CNTLN: variants seen among roughly 807,000 people sequenced by gnomAD.
CNTLN encodes centlein, also known as centlein, centrosomal protein.
CNTLN carries 212 observed loss-of-function variants against 180.0 expected under a neutral mutation model. That is an observed-to-expected ratio of 1.18 (90% CI 1.05 to 1.32). The LOEUF (loss-of-function observed/expected upper bound fraction) is 1.32, where lower values mean the gene tolerates loss of function less well. Among genes scored for constraint, CNTLN ranks in the 40% most tolerant of loss-of-function variants. The pLI, the probability that CNTLN is intolerant of heterozygous loss-of-function variation, is 0.00. For synonymous variants in CNTLN, 722 were observed against 563.1 expected, an observed-to-expected ratio of 1.28 and a Z score of -3.99; for missense variants, 2,095 against 1,610.9, an observed-to-expected ratio of 1.30 and a Z score of -5.14.
intron 18 of CNTLN, among the ~76,000 whole-genome samples, chr9:17,423,102 G>C (rs190433145): frequency 1.3e-5 from 2 of 152,288 alleles, no homozygotes; most frequent in East Asian, 3.9e-4. Flanking sequence ...GGGTTGCCTG[G>C]AGTTGGGAGA....
chr9:17,347,972 T>C (rs1446147141), intron 12 of CNTLN, among the ~76,000 whole-genome samples: 1 of 152,002 alleles, frequency 6.6e-6, no homozygotes, highest in African/African-American at 2.4e-5. Flanking sequence ...GCTGGGGCTA[T>C]AGATGCTAGC....
intron 6 of CNTLN, among the ~76,000 whole-genome samples, chr9:17,278,293 G>T (rs1828444579): frequency 6.6e-6 from 1 of 150,718 alleles, no homozygotes; most frequent in African/African-American, 2.5e-5. Flanking sequence ...CTCTTTTTCA[G>T]AACTTTTCTG....
intron 5 of CNTLN, among the ~76,000 whole-genome samples, chr9:17,261,129 C>T (rs998646409): frequency 1.3e-5 from 2 of 151,322 alleles, no homozygotes; most frequent in East Asian, 3.9e-4. Context: ...TGGCTTTGTT[C>T]ATTTTGCTTA....
chr9:17,356,882 T>G lies in CNTLN; in HGVS notation c.1887-9735T>G, dbSNP rs1243813919. On this transcript the variant is annotated intron_variant, in intron 12 of 25. Coordinates refer to ENST00000380647, the MANE Select transcript of CNTLN (RefSeq NM_017738.4). ...CCTTATTCTTTCCACTTTTTCCCCT[T>G]TCTGTTTCCTGCCCTCCCCATATAC... Among the ~76,000 whole-genome samples, 8 of 152,156 alleles carry G rather than the reference T, an allele frequency of 5.3e-5. No homozygotes were observed. The East Asian group carries it at 1.3e-3, about 26-fold the overall frequency.
At position 17,282,645 on chromosome 9, in the gene CNTLN, C is replaced by T. The variant is rs151174631; in HGVS notation, c.983+8779C>T. On this transcript the variant is annotated intron_variant, in intron 6 of 25. Coordinates refer to ENST00000380647, the MANE Select transcript of CNTLN (RefSeq NM_017738.4). ...TTACAATTGCTTTTGATGTTTTTGT[C>T]ATGAAATCTTTGCCCGGGCCTATAT... Among the ~76,000 whole-genome samples the T allele has an allele frequency of 5.0e-3, 768 of 152,198 alleles. 5 individuals are homozygous for T. Among genetic ancestry groups the T allele is most frequent in the African/African-American group, 0.017 (712 of 41,526 alleles).
intron 25 of CNTLN, among the ~76,000 whole-genome samples, chr9:17,501,197 C>T (rs1369560177): frequency 6.6e-6 from 1 of 152,110 alleles, no homozygotes; most frequent in East Asian, 1.9e-4. Context: ...GTATCTTATA[C>T]TTTCTTTAGT....
chr9:17,353,074 C>A lies in CNTLN; in HGVS notation c.1886+10630C>A, dbSNP rs1396945912. The stretch of plus-strand genomic sequence containing the variant: ...TGTTTCCAGTTCTTTTGGGTATAAA[C>A]CTATGAGTGGAATCACTGGGCCACA... On this transcript the variant is annotated intron_variant, in intron 12 of 25. Transcript: ENST00000380647. 2.0e-5 allele frequency among the ~76,000 whole-genome samples: 3 copies of A among 152,196 alleles called. No individual in the cohort carries two copies. The South Asian group carries it at 6.2e-4, about 32-fold the overall frequency.
At chr9:17,528,035 T>G in the CNTLN span, among the ~76,000 whole-genome samples, 2 of 151,852 alleles carry the variant, frequency 1.3e-5, no homozygotes, top group Non-Finnish European at 2.9e-5. Context: ...CCTGAATATA[T>G]GGAGAAGAAT....
At chr9:17,264,023 G>C (rs1339050008) in intron 5 of CNTLN, among the ~76,000 whole-genome samples, 1 of 145,804 alleles carries the variant, frequency 6.9e-6, no homozygotes, top group Non-Finnish European at 1.5e-5. Flanking sequence ...AGTTTCTTTT[G>C]CTGTGCAGAA....
chr9:17,397,681 C>T (rs7048330), intron 15 of CNTLN, among the ~76,000 whole-genome samples: 1 of 152,318 alleles, frequency 6.6e-6, no homozygotes, highest in South Asian at 2.1e-4. Context: ...GATCTGAGCC[C>T]TATTTTACCC....
At chr9:17,355,135 A>T (rs559546500) in intron 12 of CNTLN, among the ~76,000 whole-genome samples, 1 of 152,310 alleles carries the variant, frequency 6.6e-6, no homozygotes, top group South Asian at 2.1e-4. Flanking sequence ...CCGCAGCTTC[A>T]TTCTTGAAGT....
At chr9:17,516,599 T>C in the CNTLN span, among the ~76,000 whole-genome samples, 2 of 152,144 alleles carry the variant, frequency 1.3e-5, no homozygotes, top group South Asian at 4.1e-4. Context: ...AGATTCTTCT[T>C]GGCCCCCCCT....
chr9:17,321,315 C>G (rs10963031), intron 8 of CNTLN, among the ~76,000 whole-genome samples: 36,587 of 152,000 alleles, frequency 0.24, 4,593 homozygotes, highest in South Asian at 0.37. Flanking sequence ...TTGAGCTCCA[C>G]GTACCTCTTT....
At chr9:17,282,509 G>A (rs958194690) in intron 6 of CNTLN, among the ~76,000 whole-genome samples, 2 of 152,068 alleles carry the variant, frequency 1.3e-5, no homozygotes, top group African/African-American at 4.8e-5. Flanking sequence ...TGGATAGATT[G>A]CAAAAATTTT....
intron 2 of CNTLN, among the ~76,000 whole-genome samples, chr9:17,185,745 T>C (rs572502854): frequency 1.3e-5 from 2 of 151,648 alleles, no homozygotes; most frequent in African/African-American, 4.8e-5. Context: ...TTTTCTCTCC[T>C]CTTTGCTTTT....
At chr9:17,298,770 A>G in intron 7 of CNTLN, 2 of 987,944 alleles carry the variant, frequency 2.0e-6, no homozygotes, top group Middle Eastern at 5.2e-4. Flanking sequence ...TACAAAGGGG[A>G]TTGCTGAGGA....
At chr9:17,330,299 C>T (rs575355065) in intron 8 of CNTLN, among the ~76,000 whole-genome samples, 1 of 151,950 alleles carries the variant, frequency 6.6e-6, no homozygotes, top group African/African-American at 2.4e-5. Context: ...TTTTGTGAGG[C>T]AATACATATG....
rs1420982093 is a variant in CNTLN, at chr9:17,238,263, A to G, written c.849+1675A>G. On this transcript the variant is annotated intron_variant, in intron 5 of 25. Coordinates refer to ENST00000380647, the MANE Select transcript of CNTLN (RefSeq NM_017738.4). ...TGTGAATTTTGGTAGTCATTTTATTATTTTCTTCTCAAATGTTTAAAGGTT... is the reference window on the plus strand; with the variant it reads ...TGTGAATTTTGGTAGTCATTTTATTGTTTTCTTCTCAAATGTTTAAAGGTT... 2.0e-5 allele frequency among the ~76,000 whole-genome samples: 3 copies of G among 152,168 alleles called. No homozygotes were observed. In the East Asian group the frequency reaches 5.8e-4, roughly 29 times the overall value.
chr9:17,511,648 T>TCTCTCTCACACA, the CNTLN span, among the ~76,000 whole-genome samples: 22 of 146,684 alleles, frequency 1.5e-4, no homozygotes, highest in African/African-American at 5.0e-4. Context: ...TCTCTCTCTC[T>TCTCTCTCACACA]CACACACACA....
Sources: gnomAD v4.1 joint callset for allele counts (sites outside exome capture counted in the v4.1 genomes callset) on GRCh38, gnomAD v4.1.1 for gene constraint, MANE v1.5 for transcripts, NCBI Gene and HGNC (gene_info 2026-07-23, HGNC 2026-07-21) for gene names.